TMEM132B: variants seen among roughly 807,000 people sequenced by gnomAD.
TMEM132B encodes the protein transmembrane protein 132B.
TMEM132B carries 18 observed loss-of-function variants against 90.8 expected under a neutral mutation model. The ratio of observed to expected loss-of-function variants is 0.20; its 90% CI spans 0.14 to 0.29. The LOEUF is 0.29. Among genes scored for constraint, TMEM132B ranks in the 10% least tolerant of loss-of-function variants. The pLI, the probability that TMEM132B is intolerant of heterozygous loss-of-function variation, is 1.00. For missense variants in TMEM132B, 1,096 were observed against 1,326.8 expected (o/e 0.83, Z 2.70); for synonymous variants, 504 against 523.3 (o/e 0.96, Z 0.50).
chr12:125,195,230 AAGAC>A (rs1034461187), intron 1 of TMEM132B, among the ~76,000 whole-genome samples: 1 of 152,010 alleles, frequency 6.6e-6, no homozygotes, highest in African/African-American at 2.4e-5. Context: ...CAGCAGGAAA[AAGAC>A]AGGCAAAAAA....
chr12:125,356,836 C>T (rs1877789713), intron 2 of TMEM132B, among the ~76,000 whole-genome samples: 9 of 152,252 alleles, frequency 5.9e-5, no homozygotes. Flanking sequence ...GCACCGGCTT[C>T]AATAACTCAC....
intron 4 of TMEM132B, among the ~76,000 whole-genome samples, chr12:125,574,373 G>T (rs1236394202): frequency 6.6e-6 from 1 of 152,068 alleles, no homozygotes; most frequent in African/African-American, 2.4e-5. Flanking sequence ...TTTTGCCTTT[G>T]TATTTTCTGT....
rs150088353 is a variant in TMEM132B at position 125,621,262 on chromosome 12, G to A, written c.1438-22814G>A. On this transcript the variant is annotated intron_variant, in intron 5 of 8. Transcript: ENST00000682704. ...GGGAAGACTTTATGGAGAAGGTGAT[G>A]TTTGAGCCGTGTCTTGAGGGGTGCA... Among the ~76,000 whole-genome samples, 33 of 152,294 alleles carry A rather than the reference G, an allele frequency of 2.2e-4. No individual in the cohort carries two copies. In the East Asian group the frequency reaches 6.2e-3, roughly 29 times the overall value.
At chr12:125,341,846 C>T (rs563189239) in intron 1 of TMEM132B, among the ~76,000 whole-genome samples, 18 of 152,218 alleles carry the variant, frequency 1.2e-4, no homozygotes, top group African/African-American at 3.4e-4. Context: ...GATGAGGTAG[C>T]GTGTTGTGTA....
intron 2 of TMEM132B, among the ~76,000 whole-genome samples, chr12:125,412,834 G>A (rs1372382527): frequency 6.6e-6 from 1 of 152,104 alleles, no homozygotes; most frequent in Admixed American, 6.5e-5. Context: ...CTCTATTTGT[G>A]GTTTGCATAA....
intron 5 of TMEM132B, among the ~76,000 whole-genome samples, chr12:125,643,062 T>A (rs1886670278): frequency 6.6e-6 from 1 of 152,186 alleles, no homozygotes; most frequent in African/African-American, 2.4e-5. Context: ...CCATGTCAAA[T>A]AGGCAGTTGG....
intron 2 of TMEM132B, among the ~76,000 whole-genome samples, chr12:125,365,199 G>A (rs1414630057): frequency 1.3e-5 from 2 of 151,422 alleles, no homozygotes; most frequent in East Asian, 3.9e-4. Context: ...AGGCTTTTTA[G>A]CTGCACTTTC....
intron 1 of TMEM132B, among the ~76,000 whole-genome samples, chr12:125,329,795 C>T (rs571939164): frequency 6.6e-6 from 1 of 152,310 alleles, no homozygotes; most frequent in Non-Finnish European, 1.5e-5. Flanking sequence ...ACAGGAACAG[C>T]TTTCAGGCCA....
chr12:125,292,372 T>G (rs753443213), intron 1 of TMEM132B, among the ~76,000 whole-genome samples: 1 of 152,224 alleles, frequency 6.6e-6, no homozygotes, highest in African/African-American at 2.4e-5. Flanking sequence ...TTCTCTGGTT[T>G]TGGAGCTGGT....
At chr12:125,344,651 C>T (rs1453131748) in intron 1 of TMEM132B, among the ~76,000 whole-genome samples, 4 of 152,160 alleles carry the variant, frequency 2.6e-5, no homozygotes, top group African/African-American at 7.2e-5. Flanking sequence ...ATTGGCTGAA[C>T]ACACGTGGAA....
intron 2 of TMEM132B, among the ~76,000 whole-genome samples, chr12:125,384,145 C>A (rs1179483672): frequency 6.6e-6 from 1 of 152,034 alleles, no homozygotes; most frequent in Non-Finnish European, 1.5e-5. Flanking sequence ...TGGGGTTTCA[C>A]CATGTTGGTC....
rs1879973633 is a variant in TMEM132B, at chr12:125,415,145, C to T, written c.960-386C>T. Among the ~76,000 whole-genome samples, 1 of 152,114 alleles carries T rather than the reference C, an allele frequency of 6.6e-6. No homozygotes were observed. The highest frequency in any genetic ancestry group is 2.4e-5 in the African/African-American group (1 of 41,440). ...GATCTTCTGGCCTTGCACAACCCACCCCGCATCTTAAAGACTCTTCTCCAT... is the reference window on the plus strand; with the variant it reads ...GATCTTCTGGCCTTGCACAACCCACTCCGCATCTTAAAGACTCTTCTCCAT... On this transcript the variant is annotated intron_variant, in intron 2 of 8. Transcript: ENST00000682704. This position sits in a 1 kb window ranked among gnomAD's most constrained non-coding sequence, Gnocchi z 5.3.
intron 2 of TMEM132B, among the ~76,000 whole-genome samples, chr12:125,371,346 G>A (rs868697904): frequency 6.6e-6 from 1 of 152,294 alleles, no homozygotes; most frequent in Non-Finnish European, 1.5e-5. Flanking sequence ...TCAAGTTGAC[G>A]CTTAATATTA....
In TMEM132B at chr12:125,195,394, G is replaced by GTTTT. The variant is rs36005995; in HGVS notation, c.67+8546_67+8549dup. On this transcript the variant is annotated intron_variant, in intron 1 of 8. Coordinates refer to ENST00000682704, the MANE Select transcript of TMEM132B (RefSeq NM_001366854.1). Reference sequence around the variant, plus strand: ...GAGCGCTGGGGAGGAGGGTTTGCGGGTTTTTTTTTTTTTTTTTTTTTGAGA... The same window carrying GTTTT: ...GAGCGCTGGGGAGGAGGGTTTGCGGGTTTTTTTTTTTTTTTTTTTTTTTTTGAGA... Among the ~76,000 whole-genome samples the GTTTT allele has an allele frequency of 1.2e-3, 112 of 89,866 alleles. 6 individuals are homozygous for GTTTT. Among genetic ancestry groups the GTTTT allele is most frequent in the Non-Finnish European group, 1.6e-3 (77 of 48,378 alleles). 59.0% of individuals were successfully genotyped at this position (89,866 alleles called of 152,430 possible). A position where few individuals can be genotyped will look rare whatever the true frequency, so the allele number is the denominator to read the frequency against.
intron 4 of TMEM132B, among the ~76,000 whole-genome samples, chr12:125,554,274 A>C (rs1884312517): frequency 6.6e-6 from 1 of 151,446 alleles, no homozygotes; most frequent in Non-Finnish European, 1.5e-5. Flanking sequence ...ATACAAAAAA[A>C]ATTAGCCTGG....
chr12:125,582,618 A>T (rs1292084235), intron 4 of TMEM132B, among the ~76,000 whole-genome samples: 2 of 152,170 alleles, frequency 1.3e-5, no homozygotes, highest in Non-Finnish European at 2.9e-5. Flanking sequence ...GCGAAGTGGC[A>T]TCTCTGCCAC....
chr12:125,438,101 T>C (rs1368856184), intron 3 of TMEM132B, among the ~76,000 whole-genome samples: 1 of 152,234 alleles, frequency 6.6e-6, no homozygotes, highest in Non-Finnish European at 1.5e-5. Flanking sequence ...TTCCATGTAG[T>C]CTTTCAAACT....
At chr12:125,546,999 G>A (rs1296004290) in intron 4 of TMEM132B, among the ~76,000 whole-genome samples, 1 of 152,216 alleles carries the variant, frequency 6.6e-6, no homozygotes, top group African/African-American at 2.4e-5. Context: ...AAAGGGGGAA[G>A]CCCCTTATGA....
Position 125,487,064 on chromosome 12 carries a change from A to G in TMEM132B, c.1107-32375A>G, listed in dbSNP as rs576001642. Among the ~76,000 whole-genome samples, 4 of 152,286 alleles carry G rather than the reference A, an allele frequency of 2.6e-5. No homozygotes were observed. In the East Asian group the frequency reaches 7.7e-4, roughly 29 times the overall value. On this transcript the variant is annotated intron_variant, in intron 3 of 8. Coordinates refer to ENST00000682704, the MANE Select transcript of TMEM132B (RefSeq NM_001366854.1). ...GAAGCTCTCATCTGCTTGAGAACAG[A>G]AGGTCTCAGTCTGTTCTGCACTTTT...
Sources: allele counts gnomAD v4.1 joint callset (sites outside exome capture counted in the v4.1 genomes callset), GRCh38; gene constraint gnomAD v4.1.1; non-coding constraint Gnocchi (gnomAD v3.1); transcripts MANE v1.5; gene names NCBI Gene and HGNC (gene_info 2026-07-23, HGNC 2026-07-21).